Variants in SDK2 observed in about 807,000 individuals in gnomAD.
The protein encoded by SDK2 is sidekick cell adhesion molecule 2.
In SDK2, 105 loss-of-function variants were observed where a neutral mutation model predicts 253.9. The ratio of observed to expected loss-of-function variants is 0.41; its 90% confidence interval spans 0.35 to 0.49. SDK2 has a LOEUF of 0.49. SDK2 is among the 20% of genes least tolerant of loss of function. The pLI is 0.06. For missense variants in SDK2, 2,608 were observed against 3,003.0 expected, an observed-to-expected ratio of 0.87 and a Z score of 3.07; for synonymous variants, 1,249 against 1,234.9, an observed-to-expected ratio of 1.01 and a Z score of -0.24.
intron 2 of SDK2, among the ~76,000 whole-genome samples, chr17:73,485,360 C>T (rs943327081): frequency 1.5e-4 from 23 of 152,148 alleles, no homozygotes; most frequent in East Asian, 3.9e-4. Context: ...GAGTGCCAGG[C>T]GTGATAAGTA....
rs2046432556 is a variant in SDK2 at position 73,644,074 on chromosome 17, C to A, written c.15G>T (p.Leu5Phe). The A allele has an allele frequency of 1.9e-6, 3 of 1,548,988 alleles. No individual in the cohort carries two copies. The highest frequency in any genetic ancestry group is 2.6e-6 in the Non-Finnish European group (3 of 1,145,424). ...GATGCAGAGCTAGCAGTGTCCAGAT[C>A]AAAAGCCCCCACATGGTGACCAGCC... MWGL[L>F]IWTLLALHQI... Residue 5 changes from leucine (L) to phenylalanine (F), a missense_variant, in exon 1 of 45, where the codon TTG (leucine) becomes TTT (phenylalanine). By Grantham distance (22) the Leu-to-Phe change is conservative. Transcript: ENST00000392650. The surrounding 1 kb of genome is among the most constrained non-coding windows in gnomAD (Gnocchi z 6.3).
intron 36 of SDK2, among the ~76,000 whole-genome samples, chr17:73,377,859 GC>G (rs1308935587): frequency 2.0e-5 from 3 of 152,092 alleles, no homozygotes; most frequent in Non-Finnish European, 4.4e-5. Flanking sequence ...TGATCTGCCC[GC>G]CTTGGCCTCC....
At chr17:73,503,272 G>GA (rs2063904489) in intron 2 of SDK2, among the ~76,000 whole-genome samples, 1 of 152,240 alleles carries the variant, frequency 6.6e-6, no homozygotes, top group African/African-American at 2.4e-5. Flanking sequence ...AACAAATGGA[G>GA]AAACTTGAAT....
intron 1 of SDK2, among the ~76,000 whole-genome samples, chr17:73,583,200 A>T (rs1358412946): frequency 2.0e-5 from 3 of 152,156 alleles, no homozygotes; most frequent in Admixed American, 6.5e-5. Context: ...TTTTAATCGA[A>T]TGTCTGTCTC....
intron 2 of SDK2, among the ~76,000 whole-genome samples, chr17:73,484,340 C>T (rs1333499358): frequency 6.6e-6 from 1 of 152,202 alleles, no homozygotes; most frequent in Non-Finnish European, 1.5e-5. Flanking sequence ...CCAGAGCAGC[C>T]CCATGGACCC....
At position 73,455,922 on chromosome 17, in the gene SDK2, G is replaced by T; in HGVS notation, c.463C>A (p.Pro155Thr). ...VTWFRDGRKI[P>T]PSSRIAITLE... is the part of the protein sequence containing the mutation. ...TGCACTCACATGCGGCTGCTGGGCGGGATCTTGCGGCCGTCCCGGAACCAG... is the reference window on the plus strand; with the variant it reads ...TGCACTCACATGCGGCTGCTGGGCGTGATCTTGCGGCCGTCCCGGAACCAG... Residue 155 changes from proline (P) to threonine (T), a missense_variant, in exon 4 of 45, where the codon CCG becomes ACG. By Grantham distance (38) the Pro-to-Thr change is conservative. Transcript: ENST00000392650. The surrounding 1 kb of genome is among the most constrained non-coding windows in gnomAD (Gnocchi z 5.0). The T allele has an allele frequency of 6.5e-7, 1 of 1,544,566 alleles. No homozygotes were observed. Among genetic ancestry groups the T allele is most frequent in the Non-Finnish European group, 8.7e-7 (1 of 1,146,390 alleles).
At position 73,435,453 on chromosome 17, in the gene SDK2, T is replaced by C. The variant is rs1399759339; in HGVS notation, c.1192A>G (p.Thr398Ala). Reference protein sequence around the residue: ...EVQTSTYLAVTSIAPNITRGP... With the variant: ...EVQTSTYLAVASIAPNITRGP... ...CACAAGGGAAGGCCCAACTTACTGG[T>C]GACAGCCAGGTAGGTGGAAGTTTGC... The change falls in exon 9 of 45, where the codon ACC becomes GCC. Residue 398 changes from threonine (T) to alanine (A), a missense_variant. Physicochemically the swap from Thr to Ala is moderately conservative, Grantham distance 58 (BLOSUM62 0). Around this residue, in one of 2 missense-constraint regions of SDK2, gnomAD observed 1,505 missense variants for 1,859.1 expected, o/e 0.81. Transcript: ENST00000392650. This position sits in a 1 kb window ranked among gnomAD's most constrained non-coding sequence, Gnocchi z 5.7. 6.3e-7 allele frequency: 1 copy of C among 1,589,074 alleles called. No individual in the cohort carries two copies. Among genetic ancestry groups the C allele is most frequent in the East Asian group, 2.3e-5 (1 of 43,658 alleles).
Position 73,386,507 on chromosome 17 carries a change from G to T in SDK2, c.4436C>A (p.Thr1479Asn). The T allele has an allele frequency of 6.4e-7, 1 of 1,561,918 alleles. No homozygotes were observed. The highest frequency in any genetic ancestry group is 8.7e-7 in the Non-Finnish European group (1 of 1,152,868). The change falls in exon 31 of 45, where the codon ACC (threonine) becomes AAC (asparagine). Residue 1479 changes from threonine (T) to asparagine (N), a missense_variant. By Grantham distance (65) the Thr-to-Asn change is moderately conservative (BLOSUM62 0). This residue lies in a region of SDK2 where 1,103 missense variants were observed against 1,143.9 expected (regional missense o/e 0.96). Coordinates refer to ENST00000392650, the MANE Select transcript of SDK2 (RefSeq NM_001144952.2). The part of the protein sequence containing the change: ...FTSYKFRVKA[T>N]NDIGDSEFSE... The stretch of plus-strand genomic sequence containing the variant: ...GAACTCGCTGTCGCCAATGTCATTG[G>T]TCGCCTTCACTCGGAACTTGTAGGA...
intron 1 of SDK2, among the ~76,000 whole-genome samples, chr17:73,593,477 C>T (rs1437465496): frequency 6.6e-6 from 1 of 152,142 alleles, no homozygotes; most frequent in Non-Finnish European, 1.5e-5. Flanking sequence ...GCGCTCTGGG[C>T]CCTGGGGTAA....
intron 29 of SDK2, among the ~76,000 whole-genome samples, chr17:73,389,566 C>G (rs934861603): frequency 2.6e-5 from 4 of 152,182 alleles, no homozygotes; most frequent in Non-Finnish European, 5.9e-5. Context: ...ATATCCCTAT[C>G]AGGCCAGTCG....
At chr17:73,547,881 C>A (rs1340028527) in intron 1 of SDK2, among the ~76,000 whole-genome samples, 1 of 152,150 alleles carries the variant, frequency 6.6e-6, no homozygotes, top group Admixed American at 6.5e-5. Context: ...ACTCACAGTT[C>A]CGCAGGCTTA....
intron 1 of SDK2, among the ~76,000 whole-genome samples, chr17:73,532,109 GT>G (rs1168472622): frequency 6.6e-6 from 1 of 152,222 alleles, no homozygotes; most frequent in Non-Finnish European, 1.5e-5. Flanking sequence ...GTCCGGAGAT[GT>G]TTTTGGTCGT....
intron 2 of SDK2, among the ~76,000 whole-genome samples, chr17:73,483,609 A>G (rs569761715): frequency 2.7e-4 from 36 of 135,132 alleles, no homozygotes; most frequent in African/African-American, 9.6e-4. Context: ...GTATGTGTAT[A>G]TATATGTATA....
At chr17:73,581,027 G>A (rs1326669792) in intron 1 of SDK2, among the ~76,000 whole-genome samples, 1 of 151,570 alleles carries the variant, frequency 6.6e-6, no homozygotes, top group African/African-American at 2.4e-5. Context: ...GGGACCACAT[G>A]CCCAGCTAAT....
At chr17:73,344,758 C>T (rs1036283295) in intron 44 of SDK2, among the ~76,000 whole-genome samples, 1 of 152,314 alleles carries the variant, frequency 6.6e-6, no homozygotes. Flanking sequence ...TCAGCTGAGC[C>T]TGTTGGACTC....
chr17:73,620,000 A>G (rs1274521502), intron 1 of SDK2, among the ~76,000 whole-genome samples: 1 of 152,144 alleles, frequency 6.6e-6, no homozygotes, highest in Non-Finnish European at 1.5e-5. Flanking sequence ...GGAGTTCAAG[A>G]CCAGCCTGGG....
At position 73,511,450 on chromosome 17, in the gene SDK2, T is replaced by C. The variant is rs1036935697; in HGVS notation, c.65-3853A>G. The stretch of plus-strand genomic sequence containing the variant: ...AGGTCCGCGTTTGCCAGTTCATTCT[T>C]CAAGCCCTCCCGGGGGTGCCAGCCT... On this transcript the variant is annotated intron_variant, in intron 1 of 44. Transcript: ENST00000392650. The surrounding 1 kb of genome is among the most constrained non-coding windows in gnomAD (Gnocchi z 4.9). Among the ~76,000 whole-genome samples, 2 of 152,222 alleles carry C rather than the reference T, an allele frequency of 1.3e-5. No individual in the cohort carries two copies. The highest frequency in any genetic ancestry group is 4.8e-5 in the African/African-American group (2 of 41,470).
At chr17:73,400,890 C>A in intron 21 of SDK2, 130 bp downstream of exon 21, 1 of 855,252 alleles carries the variant, frequency 1.2e-6, no homozygotes, top group Non-Finnish European at 1.8e-6. Context: ...TCAAGTGATA[C>A]GCCTGCCTCA....
At chr17:73,566,870 A>AT (rs1315261942) in intron 1 of SDK2, among the ~76,000 whole-genome samples, 2 of 151,132 alleles carry the variant, frequency 1.3e-5, no homozygotes, top group Non-Finnish European at 2.9e-5. Flanking sequence ...AACACTTATA[A>AT]TTAAAAAAAA....
Sources: allele counts gnomAD v4.1 joint callset (sites outside exome capture counted in the v4.1 genomes callset), GRCh38; gene constraint gnomAD v4.1.1; regional missense constraint gnomAD v4.1.1; non-coding constraint Gnocchi (gnomAD v3.1); transcripts MANE v1.5; gene names NCBI Gene and HGNC (gene_info 2026-07-23, HGNC 2026-07-21).